CNTNAP4: variants seen among roughly 807,000 people sequenced by gnomAD.
CNTNAP4 encodes contactin-associated protein-like 4.
Under a neutral mutation model 148.4 loss-of-function variants are expected in CNTNAP4, and 98 were observed. The ratio of observed to expected loss-of-function variants is 0.66; its 90% CI spans 0.56 to 0.78. The LOEUF (loss-of-function observed/expected upper bound fraction) is 0.78. Ranked by LOEUF, CNTNAP4 falls within the 30% of genes least tolerant of loss-of-function variation. The probability of loss-of-function intolerance (pLI) is 0.00; values close to 1 mark genes in which losing one functional copy is unlikely to be tolerated. For synonymous variants in CNTNAP4, 730 were observed against 565.1 expected, an observed-to-expected ratio of 1.29 and a Z score of -4.14; for missense variants, 1,935 against 1,565.6, an observed-to-expected ratio of 1.24 and a Z score of -3.98.
At chr16:76,302,954 A>T (rs756579546) in intron 1 of CNTNAP4, among the ~76,000 whole-genome samples, 1 of 152,132 alleles carries the variant, frequency 6.6e-6, no homozygotes, top group Non-Finnish European at 1.5e-5. Context: ...TAGGGGGTGT[A>T]GTCTTGTTGG....
At position 76,528,089 on chromosome 16, in the gene CNTNAP4, G is replaced by C. The variant is rs372865227; in HGVS notation, c.2755+5832G>C. Reference sequence around the variant, plus strand: ...TTTAAAATATAAATATGAAATGTTAGAAATTTCAATAACATGGAAATATAT... The same window carrying C: ...TTTAAAATATAAATATGAAATGTTACAAATTTCAATAACATGGAAATATAT... On this transcript the variant is annotated intron_variant, in intron 17 of 23. Transcript: ENST00000611870. Among the ~76,000 whole-genome samples the C allele has an allele frequency of 3.9e-5, 6 of 152,168 alleles. No individual in the cohort carries two copies. The East Asian group carries it at 1.2e-3, about 29-fold the overall frequency.
At chr16:76,384,571 A>G (rs888952935) in intron 3 of CNTNAP4, among the ~76,000 whole-genome samples, 3 of 152,038 alleles carry the variant, frequency 2.0e-5, no homozygotes, top group African/African-American at 7.2e-5. Flanking sequence ...CCGCACTTGG[A>G]GAGTGTGGGA....
At chr16:76,463,839 A>G (rs1371946163) in intron 9 of CNTNAP4, among the ~76,000 whole-genome samples, 1 of 152,150 alleles carries the variant, frequency 6.6e-6, no homozygotes, top group African/African-American at 2.4e-5. Context: ...TTTTACATCT[A>G]TTAAGGTGTT....
intron 15 of CNTNAP4, among the ~76,000 whole-genome samples, chr16:76,516,751 A>T (rs1020807982): frequency 2.0e-5 from 3 of 152,242 alleles, no homozygotes; most frequent in African/African-American, 4.8e-5. Flanking sequence ...TACAGAAAAC[A>T]ATATGAGTAA....
intron 1 of CNTNAP4, among the ~76,000 whole-genome samples, chr16:76,311,526 T>A (rs1356524790): frequency 6.6e-6 from 1 of 152,342 alleles, no homozygotes; most frequent in Non-Finnish European, 1.5e-5. Flanking sequence ...TAGATGTAAC[T>A]AGTATATATA....
intron 1 of CNTNAP4, among the ~76,000 whole-genome samples, chr16:76,296,182 T>C (rs1176593888): frequency 6.6e-6 from 1 of 152,206 alleles, no homozygotes; most frequent in Non-Finnish European, 1.5e-5. Context: ...TCTAACATTA[T>C]GTATTGTTGC....
intron 15 of CNTNAP4, among the ~76,000 whole-genome samples, chr16:76,518,956 C>T (rs1295810699): frequency 6.6e-6 from 1 of 152,294 alleles, no homozygotes. Context: ...CAAAAGCCTG[C>T]AGCTCCTGCT....
intron 3 of CNTNAP4, among the ~76,000 whole-genome samples, chr16:76,387,096 A>T (rs910952956): frequency 5.3e-5 from 8 of 152,186 alleles, no homozygotes; most frequent in Non-Finnish European, 1.0e-4. Context: ...AGCCCAGTGA[A>T]ACCTGTGTCA....
At chr16:76,536,598 A>G (rs2084224709) in intron 18 of CNTNAP4, among the ~76,000 whole-genome samples, 1 of 152,206 alleles carries the variant, frequency 6.6e-6, no homozygotes, top group African/African-American at 2.4e-5. Flanking sequence ...CAGAAATATA[A>G]ACAATATACC....
At chr16:76,342,061 G>A (rs1171667223) in intron 2 of CNTNAP4, among the ~76,000 whole-genome samples, 1 of 152,168 alleles carries the variant, frequency 6.6e-6, no homozygotes, top group African/African-American at 2.4e-5. Flanking sequence ...TGTCAGCATA[G>A]CAGAAGCAAA....
In CNTNAP4 at chr16:76,422,461, A is replaced by C. The variant is rs1382073032; in HGVS notation, c.391-4991A>C. On this transcript the variant is annotated intron_variant, in intron 3 of 23. Transcript: ENST00000611870. The stretch of plus-strand genomic sequence containing the variant: ...TGGTGGAGCTGAGTCCCAGTTCAAC[A>C]ATAACCTAAGTTGCATTATTCTAAA... 2.0e-5 allele frequency among the ~76,000 whole-genome samples: 3 copies of C among 152,216 alleles called. No homozygotes were observed. In the East Asian group the frequency reaches 5.8e-4, roughly 29 times the overall value.
chr16:76,418,728 G>A (rs960257067), intron 3 of CNTNAP4, among the ~76,000 whole-genome samples: 1 of 55,858 alleles, frequency 1.8e-5, no homozygotes, highest in East Asian at 3.4e-4. Context: ...CAGAGTGTGG[G>A]GTTTTTTTTT....
At chr16:76,499,366 AC>A (rs2082534754) in intron 15 of CNTNAP4, among the ~76,000 whole-genome samples, 1 of 151,656 alleles carries the variant, frequency 6.6e-6, no homozygotes, top group Non-Finnish European at 1.5e-5. Flanking sequence ...CAGCCACTAT[AC>A]CCCTGTTTGA....
chr16:76,424,520 G>A (rs920345703), intron 3 of CNTNAP4, among the ~76,000 whole-genome samples: 7 of 152,062 alleles, frequency 4.6e-5, no homozygotes, highest in South Asian at 2.1e-4. Context: ...TTGAGAGGCC[G>A]AGGCGGGCAG....
At chr16:76,334,421 A>G (rs972299195) in intron 2 of CNTNAP4, among the ~76,000 whole-genome samples, 4 of 152,124 alleles carry the variant, frequency 2.6e-5, no homozygotes, top group African/African-American at 9.7e-5. Context: ...CTGCTCACAG[A>G]CATAATCCTG....
rs555942897 is a variant in CNTNAP4, at chr16:76,297,199, C to A, written c.86-19214C>A. On this transcript the variant is annotated intron_variant, in intron 1 of 23. Coordinates refer to ENST00000611870, the MANE Select transcript of CNTNAP4 (RefSeq NM_033401.5). ...TATTTTAATTGATGGCACTGTTTAGCTAAATCTTCTTGGGCATTTAGATTT... is the reference window on the plus strand; with the variant it reads ...TATTTTAATTGATGGCACTGTTTAGATAAATCTTCTTGGGCATTTAGATTT... Among the ~76,000 whole-genome samples, 9 of 152,290 alleles carry A rather than the reference C, an allele frequency of 5.9e-5. No homozygotes were observed. The South Asian group carries it at 1.9e-3, about 32-fold the overall frequency.
chr16:76,323,066 C>T (rs984401554), intron 2 of CNTNAP4, among the ~76,000 whole-genome samples: 1 of 151,978 alleles, frequency 6.6e-6, no homozygotes, highest in Non-Finnish European at 1.5e-5. Context: ...AGGCTGATTT[C>T]GAACTCCTGA....
intron 15 of CNTNAP4, among the ~76,000 whole-genome samples, chr16:76,503,886 C>T (rs1260726197): frequency 6.6e-6 from 1 of 151,596 alleles, no homozygotes; most frequent in Admixed American, 6.6e-5. Flanking sequence ...TTTAAAAGTA[C>T]CATTTTTATA....
At chr16:76,302,558 A>G (rs1362771106) in intron 1 of CNTNAP4, among the ~76,000 whole-genome samples, 1 of 151,990 alleles carries the variant, frequency 6.6e-6, no homozygotes, top group Admixed American at 6.6e-5. Flanking sequence ...TGTGTCTCTG[A>G]CCTTTAGACC....
Sources: gnomAD v4.1 joint callset for allele counts (sites outside exome capture counted in the v4.1 genomes callset) on GRCh38, gnomAD v4.1.1 for gene constraint, MANE v1.5 for transcripts, NCBI Gene and HGNC (gene_info 2026-07-23, HGNC 2026-07-21) for gene names.